Variants in BIRC6 observed in about 807,000 individuals in gnomAD.
BIRC6 encodes dual E2 ubiquitin-conjugating enzyme/E3 ubiquitin-protein ligase BIRC6.
In BIRC6, 98 loss-of-function variants were observed where a neutral mutation model predicts 503.3. The observed-to-expected ratio is 0.19, with a 90% CI of 0.17 to 0.23. The LOEUF (loss-of-function observed/expected upper bound fraction) is 0.23, where lower values mean the gene tolerates loss of function less well. Among genes scored for constraint, BIRC6 ranks in the 10% least tolerant of loss-of-function variants. BIRC6 has a pLI of 1.00. For missense variants in BIRC6, 5,360 were observed against 5,806.0 expected (o/e 0.92, Z 2.50); for synonymous variants, 2,240 against 2,078.7 (o/e 1.08, Z -2.11).
intron 1 of BIRC6, among the ~76,000 whole-genome samples, chr2:32,369,949 T>A (rs1311414000): frequency 0.17 from 5,450 of 31,710 alleles, 367 homozygotes; most frequent in East Asian, 0.25. Flanking sequence ...AAAAAAAATA[T>A]ATATATATAT....
At chr2:32,426,819 G>A (rs564064349) in intron 10 of BIRC6, among the ~76,000 whole-genome samples, 1 of 152,228 alleles carries the variant, frequency 6.6e-6, no homozygotes, top group East Asian at 1.9e-4. Context: ...TTATCATAAG[G>A]CAGGTTGCTA....
chr2:32,605,604 C>T (rs1400619877), intron 71 of BIRC6, among the ~76,000 whole-genome samples: 2 of 152,118 alleles, frequency 1.3e-5, no homozygotes, highest in Non-Finnish European at 2.9e-5. Context: ...TGACTCTTGC[C>T]TGTAATTTCA....
chr2:32,523,492 G>A (rs912762258), intron 57 of BIRC6: 2 of 152,088 alleles, frequency 1.3e-5, no homozygotes, highest in African/African-American at 4.8e-5. Flanking sequence ...CAGTATGTTT[G>A]CCATTTTTAG....
At chr2:32,427,791 T>C (rs2043693084) in intron 10 of BIRC6, among the ~76,000 whole-genome samples, 1 of 152,114 alleles carries the variant, frequency 6.6e-6, no homozygotes, top group Non-Finnish European at 1.5e-5. Context: ...CCTCTTTCTT[T>C]GCATGTCTTG....
intron 67 of BIRC6, among the ~76,000 whole-genome samples, chr2:32,594,569 G>A (rs2151415262): frequency 6.6e-6 from 1 of 152,246 alleles, no homozygotes; most frequent in Non-Finnish European, 1.5e-5. Flanking sequence ...AATGGCGTGT[G>A]CCTGTGGTCC....
At chr2:32,432,047 C>G (rs2044179560) in intron 12 of BIRC6, among the ~76,000 whole-genome samples, 1 of 152,044 alleles carries the variant, frequency 6.6e-6, no homozygotes, top group Admixed American at 6.6e-5. Flanking sequence ...TTTGTGAGTT[C>G]TAGGAAAAGA....
intron 61 of BIRC6, among the ~76,000 whole-genome samples, chr2:32,535,434 C>T (rs1445248101): frequency 6.6e-6 from 1 of 152,102 alleles, no homozygotes; most frequent in Admixed American, 6.5e-5. Flanking sequence ...GGTATGTCTC[C>T]TAATGCTATC....
At chr2:32,411,080 A>G (rs934607230) in intron 9 of BIRC6, among the ~76,000 whole-genome samples, 1 of 145,418 alleles carries the variant, frequency 6.9e-6, no homozygotes, top group Non-Finnish European at 1.5e-5. Context: ...GCTTTTTTGC[A>G]CAGGCTGGAG....
At chr2:32,377,151 T>C (rs1308867306) in intron 1 of BIRC6, among the ~76,000 whole-genome samples, 1 of 152,084 alleles carries the variant, frequency 6.6e-6, no homozygotes, top group Non-Finnish European at 1.5e-5. Context: ...CTATATACCC[T>C]TTACCCAGCT....
At chr2:32,472,794 T>G (rs1450584254) in intron 32 of BIRC6, among the ~76,000 whole-genome samples, 1 of 152,214 alleles carries the variant, frequency 6.6e-6, no homozygotes, top group Non-Finnish European at 1.5e-5. Flanking sequence ...GTATTTGTTG[T>G]TGAAATTGAA....
At chr2:32,374,694 G>A (rs532887493) in intron 1 of BIRC6, among the ~76,000 whole-genome samples, 5 of 151,790 alleles carry the variant, frequency 3.3e-5, no homozygotes, top group African/African-American at 7.3e-5. Flanking sequence ...GGATGGTCTC[G>A]ATCTCCTGAC....
Position 32,420,889 on chromosome 2 carries a change from AT to A in BIRC6, c.2872+4736del, listed in dbSNP as rs754088886. Among the ~76,000 whole-genome samples the A allele has an allele frequency of 1.0e-3, 114 of 111,246 alleles. 1 individual carries two copies. Among genetic ancestry groups the A allele is most frequent in the Non-Finnish European group, 1.8e-3 (92 of 51,114 alleles). 73.0% of individuals were successfully genotyped at this position (111,246 alleles called of 152,430 possible). A position where few individuals can be genotyped will look rare whatever the true frequency, so the allele number is the denominator to read the frequency against. ...TTTGTGATACTGATCGATGATTTGTATTTTTTTTTTCCTGCTTCATCTGTCT... is the reference window on the plus strand; with the variant it reads ...TTTGTGATACTGATCGATGATTTGTATTTTTTTTTCCTGCTTCATCTGTCT... On this transcript the variant is annotated intron_variant, in intron 10 of 73. Coordinates refer to ENST00000421745, the MANE Select transcript of BIRC6 (RefSeq NM_016252.4).
chr2:32,584,428 G>A lies in BIRC6; in HGVS notation c.13355+9062G>A, dbSNP rs1441148111. Reference sequence around the variant, plus strand: ...AGTGGGTGTAATCCCAGCTGCTTGGGAGGCTGAGGCAAGAGAATCGCTTCA... The same window carrying A: ...AGTGGGTGTAATCCCAGCTGCTTGGAAGGCTGAGGCAAGAGAATCGCTTCA... On this transcript the variant is annotated intron_variant, in intron 66 of 73. Coordinates refer to ENST00000421745, the MANE Select transcript of BIRC6 (RefSeq NM_016252.4). 2.0e-5 allele frequency among the ~76,000 whole-genome samples: 3 copies of A among 152,128 alleles called. No homozygotes were observed. In the East Asian group the frequency reaches 5.8e-4, roughly 29 times the overall value.
At chr2:32,549,558 C>T in intron 65 of BIRC6, 77 bp downstream of exon 65, 1 of 1,193,258 alleles carries the variant, frequency 8.4e-7, no homozygotes, top group Non-Finnish European at 1.1e-6. Flanking sequence ...TAGTAAGTTT[C>T]AGTTGAAATA....
intron 57 of BIRC6, chr2:32,519,176 G>T: frequency 2.5e-6 from 1 of 393,624 alleles, no homozygotes; most frequent in Non-Finnish European, 4.7e-6. Context: ...TGAGAAATGG[G>T]CAGCTAGAAA....
intron 6 of BIRC6, among the ~76,000 whole-genome samples, chr2:32,399,464 C>CTTTTT (rs2040361633): frequency 6.6e-6 from 1 of 152,206 alleles, no homozygotes; most frequent in Non-Finnish European, 1.5e-5. Flanking sequence ...GTGATCATAG[C>CTTTTT]TTACTGCAGC....
chr2:32,389,694 GTATT>G (rs767395245), intron 4 of BIRC6, among the ~76,000 whole-genome samples: 3 of 152,076 alleles, frequency 2.0e-5, no homozygotes, highest in East Asian at 1.9e-4. Flanking sequence ...TTTTCATGTA[GTATT>G]TATTTATTTA....
chr2:32,561,725 A>G (rs150944852), intron 65 of BIRC6, among the ~76,000 whole-genome samples: 1,815 of 146,112 alleles, frequency 0.012, 22 homozygotes, highest in Middle Eastern at 0.028. Flanking sequence ...TTAATCATGT[A>G]TATATATATA....
intron 33 of BIRC6, among the ~76,000 whole-genome samples, chr2:32,473,749 GTATT>G (rs1430059665): frequency 1.6e-4 from 13 of 81,188 alleles, no homozygotes; most frequent in African/African-American, 6.4e-4. Context: ...GTGTGTGTGT[GTATT>G]TTTTTTTTTT....
Sources: gnomAD v4.1 joint callset for allele counts (sites outside exome capture counted in the v4.1 genomes callset) on GRCh38, gnomAD v4.1.1 for gene constraint, MANE v1.5 for transcripts, NCBI Gene and HGNC (gene_info 2026-07-23, HGNC 2026-07-21) for gene names.